Variants in SPATA6 observed in about 807,000 individuals in gnomAD.
SPATA6 encodes the protein spermatogenesis associated 6, also known as spermatogenesis-associated protein 6.
A neutral mutation model predicts 65.3 loss-of-function variants in SPATA6; 56 were observed. The ratio of observed to expected loss-of-function variants is 0.86; its 90% CI spans 0.69 to 1.07. The LOEUF is 1.07. Ranked by LOEUF, SPATA6 falls within the 50% of genes least tolerant of loss-of-function variation. The pLI is 0.00. For missense variants in SPATA6, 590 were observed against 594.8 expected (o/e 0.99, Z 0.08); for synonymous variants, 199 against 213.2 (o/e 0.93, Z 0.58).
chr1:48,299,738 T>A (rs1644890047), intron 12 of SPATA6, among the ~76,000 whole-genome samples: 3 of 152,114 alleles, frequency 2.0e-5, no homozygotes, highest in Non-Finnish European at 4.4e-5. Flanking sequence ...TATCTATTTA[T>A]GAATACATTT....
intron 6 of SPATA6, chr1:48,400,840 C>A: frequency 1.3e-5 from 17 of 1,266,982 alleles, no homozygotes; most frequent in Non-Finnish European, 1.7e-5. Context: ...ACCTTCTCCA[C>A]CTTGTTCAAT....
chr1:48,345,260 T>A (rs1459783965), intron 11 of SPATA6, among the ~76,000 whole-genome samples: 3 of 152,100 alleles, frequency 2.0e-5, no homozygotes, highest in African/African-American at 7.2e-5. Flanking sequence ...AATGATGAAA[T>A]TAAAGCAGAA....
chr1:48,451,568 C>T lies in SPATA6; in HGVS notation c.222G>A (p.Val74=). The change falls in exon 3 of 13, where the codon GTG becomes GTA. Residue 74 remains valine (V), a synonymous_variant. Transcript: ENST00000371847. ...AAAACTTACATTCAAGCTGTGTAAC[C>T]ACATCTCCAGGATCTACTGCGTCCG... ...VFPDAVDPGD[V]VTQLEYDTAV... is the part of the protein sequence containing the mutation. The T allele has an allele frequency of 6.2e-7, 1 of 1,611,448 alleles. No homozygotes were observed. The highest frequency in any genetic ancestry group is 8.5e-7 in the Non-Finnish European group (1 of 1,178,864).
intron 11 of SPATA6, among the ~76,000 whole-genome samples, chr1:48,314,492 A>G (rs1645337648): frequency 6.6e-6 from 1 of 152,328 alleles, no homozygotes; most frequent in East Asian, 1.9e-4. Context: ...TTTGAAACCA[A>G]TAAGAACAAA....
At chr1:48,277,682 C>A in the SPATA6 span, among the ~76,000 whole-genome samples, 1 of 152,224 alleles carries the variant, frequency 6.6e-6, no homozygotes, top group Non-Finnish European at 1.5e-5. Context: ...CTGGGAAGCT[C>A]GAACTGGGTG....
chr1:48,290,025 G>A, the SPATA6 span, among the ~76,000 whole-genome samples: 1 of 152,188 alleles, frequency 6.6e-6, no homozygotes, highest in Non-Finnish European at 1.5e-5. Context: ...TCCTTGAGAA[G>A]AGCGACTACA....
In SPATA6 at chr1:48,356,510, C is replaced by CTTT. The variant is rs910154922; in HGVS notation, c.1095-744_1095-742dup. Among the ~76,000 whole-genome samples the CTTT allele has an allele frequency of 5.5e-3, 674 of 122,690 alleles. 11 individuals are homozygous for CTTT. Among genetic ancestry groups the CTTT allele is most frequent in the African/African-American group, 0.019 (620 of 32,828 alleles). 80.5% of individuals were successfully genotyped at this position (122,690 alleles called of 152,430 possible). On this transcript the variant is annotated intron_variant, in intron 10 of 12. Transcript: ENST00000371847. ...TTGTTTTCTTCCCAGTTTGTCCTTT[C>CTTT]TTTTTTTTTTTTTTTTTTTTTGACA...
At chr1:48,403,642 T>C (rs1651397802) in intron 6 of SPATA6, among the ~76,000 whole-genome samples, 160 bp downstream of exon 6, 1 of 152,172 alleles carries the variant, frequency 6.6e-6, no homozygotes, top group Non-Finnish European at 1.5e-5. Context: ...TACTAACATG[T>C]AACCAAACTG....
intron 11 of SPATA6, among the ~76,000 whole-genome samples, chr1:48,310,205 C>A (rs1483224762): frequency 7.9e-5 from 12 of 152,208 alleles, no homozygotes; most frequent in Admixed American, 7.9e-4. Context: ...TAAAAATGCC[C>A]TCCAGGGCAA....
chr1:48,318,364 G>A (rs1425568394), intron 11 of SPATA6, among the ~76,000 whole-genome samples: 1 of 152,090 alleles, frequency 6.6e-6, no homozygotes, highest in Admixed American at 6.6e-5. Flanking sequence ...AGATGATTCT[G>A]TATTTTAAAA....
At chr1:48,422,092 G>A (rs888221759) in intron 3 of SPATA6, among the ~76,000 whole-genome samples, 36 of 152,212 alleles carry the variant, frequency 2.4e-4, no homozygotes, top group African/African-American at 8.4e-4. Flanking sequence ...GGCATAATGG[G>A]GGGAAAGGAG....
chr1:48,368,341 T>A (rs1467002933), intron 9 of SPATA6, among the ~76,000 whole-genome samples: 1 of 152,220 alleles, frequency 6.6e-6, no homozygotes, highest in Non-Finnish European at 1.5e-5. Context: ...AATGTTGGTC[T>A]GCCTTGCTAG....
rs1654941172 is a variant in SPATA6 at position 48,436,384 on chromosome 1, G to A, written c.238+15168C>T. The stretch of plus-strand genomic sequence containing the variant: ...GCTTTGGGTTATTTCTCCATTTATG[G>A]CCTATGGTTCAGCAAGTCAACTCTT... On this transcript the variant is annotated intron_variant, in intron 3 of 12. Transcript: ENST00000371847. The A allele has an allele frequency of 2.5e-6, 4 of 1,611,908 alleles. No individual in the cohort carries two copies. The East Asian group carries it at 6.7e-5, about 27-fold the overall frequency.
At chr1:48,337,794 T>C (rs1424823631) in intron 11 of SPATA6, among the ~76,000 whole-genome samples, 1 of 151,916 alleles carries the variant, frequency 6.6e-6, no homozygotes, top group Non-Finnish European at 1.5e-5. Context: ...GCTAGACCTA[T>C]GAAATGAAAA....
chr1:48,359,686 G>T lies in SPATA6; in HGVS notation c.994C>A (p.Pro332Thr), dbSNP rs762584721. The change falls in exon 10 of 13, where the codon CCC (proline) becomes ACC (threonine). Residue 332 changes from proline to threonine, a missense_variant. By Grantham distance (38) the Pro-to-Thr change is conservative. Coordinates refer to ENST00000371847, the MANE Select transcript of SPATA6 (RefSeq NM_019073.4). ...EYLSPRSCSK[P>T]RHSARTLLVH... is the part of the protein sequence containing the mutation. ...AGCAAGGTCCTCGCTGAATGCCGGG[G>T]CTTACTACACGACCTTGGGCTCAAA... The T allele has an allele frequency of 2.5e-6, 4 of 1,613,690 alleles. No homozygotes were observed. The Admixed American group carries it at 6.7e-5, about 27-fold the overall frequency.
chr1:48,419,591 T>C (rs1235032539), intron 3 of SPATA6, among the ~76,000 whole-genome samples: 1 of 152,130 alleles, frequency 6.6e-6, no homozygotes. Context: ...ACAGAATAAC[T>C]TTAAACAGAA....
chr1:48,458,579 T>C (rs541598206), intron 1 of SPATA6, among the ~76,000 whole-genome samples: 1 of 152,242 alleles, frequency 6.6e-6, no homozygotes, highest in African/African-American at 2.4e-5. Flanking sequence ...AAATATGGTA[T>C]GTCCATACAA....
chr1:48,386,170 A>T (rs1476810198), intron 8 of SPATA6, among the ~76,000 whole-genome samples: 2 of 152,184 alleles, frequency 1.3e-5, no homozygotes, highest in South Asian at 4.1e-4. Flanking sequence ...TCAGAGAGTC[A>T]GAGTGATGAT....
At position 48,471,845 on chromosome 1, in the gene SPATA6, C is replaced by G; in HGVS notation, c.51+113G>C. 7 of 1,292,944 alleles carry G rather than the reference C, an allele frequency of 5.4e-6. No individual in the cohort carries two copies. The South Asian group carries it at 7.4e-5, about 14-fold the overall frequency. 80.1% of individuals were successfully genotyped at this position (1,292,944 alleles called of 1,614,324 possible). ...CGAAGGGGCGTGAGGTCGACGCTCCCTAGGGATGATTCGGAGGGTGAAGGA... is the reference window on the plus strand; with the variant it reads ...CGAAGGGGCGTGAGGTCGACGCTCCGTAGGGATGATTCGGAGGGTGAAGGA... On this transcript the variant is annotated intron_variant, in intron 1 of 12. Coordinates refer to ENST00000371847, the MANE Select transcript of SPATA6 (RefSeq NM_019073.4).
Sources: allele counts gnomAD v4.1 joint callset (sites outside exome capture counted in the v4.1 genomes callset), GRCh38; gene constraint gnomAD v4.1.1; transcripts MANE v1.5; gene names NCBI Gene and HGNC (gene_info 2026-07-23, HGNC 2026-07-21).